EXOC6B: variants seen among roughly 807,000 people sequenced by gnomAD.
The protein encoded by EXOC6B is exocyst complex component 6B.
Under a neutral mutation model 113.5 loss-of-function variants are expected in EXOC6B, and 54 were observed. The ratio of observed to expected loss-of-function variants is 0.48; its 90% confidence interval spans 0.38 to 0.60. The LOEUF (loss-of-function observed/expected upper bound fraction) is 0.60, where lower values mean the gene tolerates loss of function less well. Among genes scored for constraint, EXOC6B ranks in the 20% least tolerant of loss-of-function variants. The pLI is 0.00. For synonymous variants in EXOC6B, 357 were observed against 339.0 expected, an observed-to-expected ratio of 1.05 and a Z score of -0.58; for missense variants, 797 against 977.5, an observed-to-expected ratio of 0.82 and a Z score of 2.46.
intron 20 of EXOC6B, among the ~76,000 whole-genome samples, chr2:72,262,320 C>A (rs778830479): frequency 6.6e-6 from 1 of 151,880 alleles, no homozygotes; most frequent in Admixed American, 6.6e-5. Flanking sequence ...AGGATCAAAG[C>A]ATATGAGTGG....
At chr2:72,325,541 G>A (rs372225441) in intron 20 of EXOC6B, among the ~76,000 whole-genome samples, 4 of 151,736 alleles carry the variant, frequency 2.6e-5, no homozygotes, top group Non-Finnish European at 4.4e-5. Flanking sequence ...GCTACAAACC[G>A]AAGGGCTTTC....
intron 6 of EXOC6B, among the ~76,000 whole-genome samples, chr2:72,680,563 AC>A (rs1486185433): frequency 1.3e-5 from 2 of 152,134 alleles, no homozygotes; most frequent in Non-Finnish European, 2.9e-5. Context: ...ACATGGTGAA[AC>A]CCCATCTCTA....
intron 20 of EXOC6B, among the ~76,000 whole-genome samples, chr2:72,187,788 G>A (rs1678537293): frequency 6.6e-6 from 1 of 152,136 alleles, no homozygotes; most frequent in Non-Finnish European, 1.5e-5. Context: ...AAGCCTTCAG[G>A]CCTTCTGTGG....
At chr2:72,426,061 C>T (rs1039501361) in intron 18 of EXOC6B, among the ~76,000 whole-genome samples, 1 of 152,104 alleles carries the variant, frequency 6.6e-6, no homozygotes, top group African/African-American at 2.4e-5. Flanking sequence ...ATAGCCCTTC[C>T]CTCTATATCA....
intron 8 of EXOC6B, among the ~76,000 whole-genome samples, chr2:72,517,184 A>G (rs1453534857): frequency 6.6e-6 from 1 of 152,246 alleles, no homozygotes. Flanking sequence ...AGCAGCCATA[A>G]ACAAGACATA....
At chr2:72,234,083 CTTTTTTTTTTTT>C (rs34660222) in intron 20 of EXOC6B, among the ~76,000 whole-genome samples, 1 of 131,912 alleles carries the variant, frequency 7.6e-6, no homozygotes, top group African/African-American at 3.0e-5. Flanking sequence ...TGGACCGCCT[CTTTTTTTTTTTT>C]TTTTTTTTTA....
intron 20 of EXOC6B, among the ~76,000 whole-genome samples, chr2:72,279,926 T>C (rs910517277): frequency 4.6e-5 from 7 of 152,030 alleles, no homozygotes; most frequent in African/African-American, 1.7e-4. Context: ...ATAGGCTAAA[T>C]TTAGATAACT....
At chr2:72,228,377 A>C (rs528820697) in intron 20 of EXOC6B, among the ~76,000 whole-genome samples, 51 of 151,538 alleles carry the variant, frequency 3.4e-4, no homozygotes, top group Middle Eastern at 3.4e-3. Context: ...TTAACTCGTC[A>C]TTTAACATTA....
intron 6 of EXOC6B, among the ~76,000 whole-genome samples, chr2:72,640,159 T>C (rs1013469254): frequency 2.0e-5 from 3 of 151,946 alleles, no homozygotes; most frequent in African/African-American, 7.3e-5. Flanking sequence ...AAACAGCCAG[T>C]ATAGAAAAGA....
chr2:72,617,520 T>TC (rs1470275279), intron 6 of EXOC6B, among the ~76,000 whole-genome samples: 7 of 132,818 alleles, frequency 5.3e-5, no homozygotes, highest in East Asian at 5.3e-4. Context: ...CTTTTTTCTT[T>TC]TTTTTTTTTT....
At chr2:72,429,372 G>A (rs1165788934) in intron 18 of EXOC6B, among the ~76,000 whole-genome samples, 2 of 152,190 alleles carry the variant, frequency 1.3e-5, no homozygotes, top group African/African-American at 2.4e-5. Context: ...CCTGATCAAA[G>A]CAAACAGGCC....
chr2:72,332,072 G>C (rs1398457469), intron 20 of EXOC6B, among the ~76,000 whole-genome samples: 2 of 151,640 alleles, frequency 1.3e-5, no homozygotes, highest in Non-Finnish European at 2.9e-5. Context: ...ACACATATAA[G>C]ACAGCAAGGC....
Position 72,492,375 on chromosome 2 carries a change from C to A in EXOC6B, c.1608G>T (p.Arg536Ser), listed in dbSNP as rs763977053. Residue 536 changes from arginine (R) to serine (S), a missense_variant, in exon 16 of 22, where the codon AGG becomes AGT. Coordinates refer to ENST00000272427, the MANE Select transcript of EXOC6B (RefSeq NM_015189.3). ...CATTCTGCAGAGAGTTGCTCAGAGT[C>A]CTGGTTAGCAACAGGTTTGTTGATT... ...IRKSTNLLLT[R>S]TLSNSLQNVI... 1.9e-6 allele frequency: 3 copies of A among 1,613,002 alleles called. No individual in the cohort carries two copies. The highest frequency in any genetic ancestry group is 8.5e-7 in the Non-Finnish European group (1 of 1,179,204).
rs1693384636 is a variant in EXOC6B at position 72,402,173 on chromosome 2, C to G, written c.1981-22303G>C. ...AGGCTTTTGATTACAAAATCTCTCC[C>G]TTCTCTCATTATAGGTCTGTTAAGA... On this transcript the variant is annotated intron_variant, in intron 18 of 21. Transcript: ENST00000272427. Among the ~76,000 whole-genome samples the G allele has an allele frequency of 2.0e-5, 3 of 152,054 alleles. No individual in the cohort carries two copies. The South Asian group carries it at 6.2e-4, about 32-fold the overall frequency.
chr2:72,267,575 T>C (rs1175340139), intron 20 of EXOC6B, among the ~76,000 whole-genome samples: 2 of 152,212 alleles, frequency 1.3e-5, no homozygotes, highest in Non-Finnish European at 2.9e-5. Context: ...TTTGCGTATA[T>C]TGAACCAGCC....
At chr2:72,456,347 A>G (rs1490071003) in intron 18 of EXOC6B, among the ~76,000 whole-genome samples, 1 of 152,174 alleles carries the variant, frequency 6.6e-6, no homozygotes, top group Admixed American at 6.6e-5. Context: ...TTTTAATGAC[A>G]TATGACTCAA....
chr2:72,770,741 G>A (rs1413726334), intron 1 of EXOC6B, among the ~76,000 whole-genome samples: 1 of 152,090 alleles, frequency 6.6e-6, no homozygotes, highest in Admixed American at 6.6e-5. Context: ...ATGCTAAGAG[G>A]AAAGAATAAC....
At chr2:72,318,685 T>C (rs962092804) in intron 20 of EXOC6B, among the ~76,000 whole-genome samples, 13 of 152,200 alleles carry the variant, frequency 8.5e-5, no homozygotes, top group African/African-American at 2.7e-4. Context: ...GCTTCTCTTA[T>C]TTGATTGTAA....
chr2:72,436,698 T>A (rs1277617782), intron 18 of EXOC6B, among the ~76,000 whole-genome samples: 1 of 152,142 alleles, frequency 6.6e-6, no homozygotes, highest in African/African-American at 2.4e-5. Context: ...ATTCGGCTAA[T>A]GATTCTTGTG....
Sources: gnomAD v4.1 joint callset for allele counts (sites outside exome capture counted in the v4.1 genomes callset) on GRCh38, gnomAD v4.1.1 for gene constraint, MANE v1.5 for transcripts, NCBI Gene and HGNC (gene_info 2026-07-23, HGNC 2026-07-21) for gene names.